Variants in XKR7 observed in about 807,000 individuals in gnomAD.
XKR7 encodes the protein XK-related protein 7.
A neutral mutation model predicts 42.2 loss-of-function variants in XKR7; 11 were observed. The observed-to-expected ratio is 0.26, with a 90% CI of 0.16 to 0.43. XKR7 has a LOEUF of 0.43. XKR7 is among the 20% of genes least tolerant of loss of function. The pLI, the probability that XKR7 is intolerant of heterozygous loss-of-function variation, is 1.00. For synonymous variants in XKR7, 346 were observed against 366.4 expected, an observed-to-expected ratio of 0.94 and a Z score of 0.64; for missense variants, 710 against 802.2, an observed-to-expected ratio of 0.89 and a Z score of 1.39.
At chr20:31,983,026 C>G (rs1229055805) in intron 1 of XKR7, among the ~76,000 whole-genome samples, 1 of 152,200 alleles carries the variant, frequency 6.6e-6, no homozygotes, top group Non-Finnish European at 1.5e-5. Context: ...GCTACATAGT[C>G]AGTAAGAGAT....
intron 1 of XKR7, among the ~76,000 whole-genome samples, chr20:31,994,696 AC>A (rs1433260835): frequency 6.6e-6 from 1 of 151,998 alleles, no homozygotes; most frequent in Non-Finnish European, 1.5e-5. Context: ...ACAGAATGAG[AC>A]CCCATCTCTA....
chr20:31,979,031 A>G (rs902245120), intron 1 of XKR7, among the ~76,000 whole-genome samples: 1 of 151,914 alleles, frequency 6.6e-6, no homozygotes, highest in African/African-American at 2.4e-5. Context: ...GCTACTCAGG[A>G]GGCTGAGGCA....
rs2064600646 is a variant in XKR7 at position 31,997,451 on chromosome 20, A to G, written c.1734A>G (p.Thr578=). 1.3e-6 allele frequency: 2 copies of G among 1,593,758 alleles called. No individual in the cohort carries two copies. Among genetic ancestry groups the G allele is most frequent in the African/African-American group, 1.3e-5 (1 of 74,984 alleles). The stretch of plus-strand genomic sequence containing the variant: ...AGGAGCTGCTGGAGTATGAGACCAC[A>G]GTGTAGGCTACAGTGTCCCAGCACA... ...TSQELLEYET[T]V Residue 578 remains threonine (T), a synonymous_variant, in exon 3 of 3, where the codon ACA becomes ACG. Transcript: ENST00000562532.
chr20:31,989,002 A>G (rs1014392487), intron 1 of XKR7, among the ~76,000 whole-genome samples: 2 of 152,204 alleles, frequency 1.3e-5, no homozygotes, highest in Non-Finnish European at 1.5e-5. Flanking sequence ...CACAGGGGTG[A>G]TCAAGACAGA....
rs560617297 is a variant in XKR7, at chr20:31,985,480, TC to T, written c.585-9587del. On this transcript the variant is annotated intron_variant, in intron 1 of 2. Coordinates refer to ENST00000562532, the MANE Select transcript of XKR7 (RefSeq NM_001011718.2). ...GGGAGGATGGCCAGAAAACTGGCAG[TC>T]ACACCAAGCCACGAGCTGAGCAACA... Among the ~76,000 whole-genome samples, 9 of 151,412 alleles carry T rather than the reference TC, an allele frequency of 5.9e-5. No individual in the cohort carries two copies. In the South Asian group the frequency reaches 6.3e-4, roughly 11 times the overall value.
chr20:31,980,932 G>C (rs994730950), intron 1 of XKR7, among the ~76,000 whole-genome samples: 1 of 151,980 alleles, frequency 6.6e-6, no homozygotes, highest in Non-Finnish European at 1.5e-5. Context: ...TGGCATGGTG[G>C]TATATGCCTA....
chr20:31,999,025 A>G lies in XKR7; in HGVS notation c.*1568A>G, dbSNP rs2064610644. On this transcript the variant is annotated 3_prime_UTR_variant, in exon 3 of 3. Coordinates refer to ENST00000562532, the MANE Select transcript of XKR7 (RefSeq NM_001011718.2). ...AGCCTCTAGCAGAGCTGGGAACCCA[A>G]CCCACCCCCCACCCCCCCACACACA... 2.7e-5 allele frequency: 3 copies of G among 111,044 alleles called. No homozygotes were observed. The highest frequency in any genetic ancestry group is 4.3e-5 in the African/African-American group (1 of 23,074). The allele number at this position is 111,044 out of a possible 1,614,324, so 6.9% of individuals were successfully genotyped here.
intron 1 of XKR7, among the ~76,000 whole-genome samples, chr20:31,991,621 A>C (rs755126858): frequency 6.6e-6 from 1 of 152,206 alleles, no homozygotes; most frequent in Non-Finnish European, 1.5e-5. Flanking sequence ...TGAACTCTTC[A>C]GTCCAGAATT....
intron 1 of XKR7, among the ~76,000 whole-genome samples, chr20:31,974,172 G>T (rs1354339784): frequency 1.3e-5 from 2 of 152,086 alleles, no homozygotes; most frequent in African/African-American, 4.8e-5. Context: ...CAGCCTGGGT[G>T]ACAGAGCAAG....
At chr20:31,994,546 A>T (rs1024899036) in intron 1 of XKR7, among the ~76,000 whole-genome samples, 3 of 152,124 alleles carry the variant, frequency 2.0e-5, no homozygotes, top group Admixed American at 6.5e-5. Flanking sequence ...AGCCAGAAAA[A>T]AATTTAAAAA....
rs56235886 is a variant in XKR7 at position 31,990,179 on chromosome 20, C to CGTGTGTGTGTGTGT, written c.585-4867_585-4854dup. On this transcript the variant is annotated intron_variant, in intron 1 of 2. Transcript: ENST00000562532. ...TTATAAACTATTTTTAAATTCATTG[C>CGTGTGTGTGTGTGT]GTGTGTGTGTGTGTGTGTGTGTGTG... is the stretch of plus-strand genomic sequence containing the variant. 2.2e-3 allele frequency among the ~76,000 whole-genome samples: 319 copies of CGTGTGTGTGTGTGT among 144,236 alleles called. 3 individuals carry two copies. The highest frequency in any genetic ancestry group is 7.9e-3 in the African/African-American group (308 of 38,794). The allele number at this position is 144,236 out of a possible 152,430, so 94.6% of individuals were successfully genotyped here. A position where few individuals can be genotyped will look rare whatever the true frequency, so the allele number is the denominator to read the frequency against.
rs573720977 is a variant in XKR7, at chr20:32,002,759, G to A, written c.*5302G>A. The A allele has an allele frequency of 6.6e-6, 1 of 152,318 alleles. No homozygotes were observed. The highest frequency in any genetic ancestry group is 2.1e-4 in the South Asian group (1 of 4,824). 9.4% of individuals were successfully genotyped at this position (152,318 alleles called of 1,614,324 possible). A position where few individuals can be genotyped will look rare whatever the true frequency, so the allele number is the denominator to read the frequency against. ...TCAAGTCAACTTCTAGGGCTTGAAGGTGGGGGAATATATGTATTTTATTGA... is the reference window on the plus strand; with the variant it reads ...TCAAGTCAACTTCTAGGGCTTGAAGATGGGGGAATATATGTATTTTATTGA... On this transcript the variant is annotated 3_prime_UTR_variant, in exon 3 of 3. Coordinates refer to ENST00000562532, the MANE Select transcript of XKR7 (RefSeq NM_001011718.2).
At chr20:31,990,259 C>T (rs867783431) in intron 1 of XKR7, among the ~76,000 whole-genome samples, 4 of 151,560 alleles carry the variant, frequency 2.6e-5, no homozygotes, top group East Asian at 1.9e-4. Flanking sequence ...TCAAACTCCC[C>T]GGTTCAAGAG....
At chr20:31,973,068 GC>G (rs961774085) in intron 1 of XKR7, among the ~76,000 whole-genome samples, 53 of 152,322 alleles carry the variant, frequency 3.5e-4, no homozygotes, top group African/African-American at 1.1e-3. Context: ...GTACCCACCC[GC>G]CTCTTAGGTT....
chr20:31,981,428 A>G (rs966922570), intron 1 of XKR7, among the ~76,000 whole-genome samples: 3 of 152,156 alleles, frequency 2.0e-5, no homozygotes, highest in Admixed American at 6.5e-5. Flanking sequence ...ACAGTGGCTC[A>G]CGCCTGTAAT....
rs186209378 is a variant in XKR7, at chr20:31,973,409, C to T, written c.584+4650C>T. 4.7e-3 allele frequency among the ~76,000 whole-genome samples: 711 copies of T among 152,140 alleles called. 5 individuals are homozygous for T. The highest frequency in any genetic ancestry group is 6.0e-3 in the Non-Finnish European group (406 of 68,014). ...CCTTGCCCTCTTGGAGCTCAATAGC[C>T]TAATGAAGGAACCAATAAGAAAATA... On this transcript the variant is annotated intron_variant, in intron 1 of 2. Coordinates refer to ENST00000562532, the MANE Select transcript of XKR7 (RefSeq NM_001011718.2).
Position 31,997,653 on chromosome 20 carries a change from C to A in XKR7, c.*196C>A. On this transcript the variant is annotated 3_prime_UTR_variant, in exon 3 of 3. Transcript: ENST00000562532. ...CCCCAGCCCTGGGCCCCGTTTTCAG[C>A]CTTGTGGCCCATTCCCTAAATTCCC... 1.7e-6 allele frequency: 1 copy of A among 583,724 alleles called. No homozygotes were observed. The highest frequency in any genetic ancestry group is 3.0e-6 in the Non-Finnish European group (1 of 335,070). 36.2% of individuals were successfully genotyped at this position (583,724 alleles called of 1,614,324 possible).
chr20:31,991,681 C>A (rs1178854777), intron 1 of XKR7, among the ~76,000 whole-genome samples: 1 of 152,200 alleles, frequency 6.6e-6, no homozygotes, highest in East Asian at 1.9e-4. Context: ...CATTAAAACC[C>A]CTTGTCCAGG....
intron 1 of XKR7, among the ~76,000 whole-genome samples, chr20:31,981,429 C>T (rs987705060): frequency 1.3e-5 from 2 of 151,958 alleles, no homozygotes; most frequent in South Asian, 2.1e-4. Flanking sequence ...CAGTGGCTCA[C>T]GCCTGTAATC....
Sources: allele counts gnomAD v4.1 joint callset (sites outside exome capture counted in the v4.1 genomes callset), GRCh38; gene constraint gnomAD v4.1.1; transcripts MANE v1.5; gene names NCBI Gene and HGNC (gene_info 2026-07-23, HGNC 2026-07-21).